CCDC34: variants seen among roughly 807,000 people sequenced by gnomAD.
CCDC34 encodes the protein coiled-coil domain containing 34.
In CCDC34, 40 loss-of-function variants were observed where a neutral mutation model predicts 44.1. The observed-to-expected ratio is 0.91, with a 90% CI of 0.70 to 1.18. CCDC34 has a LOEUF of 1.18. CCDC34 is among the 50% of genes most tolerant of loss of function. CCDC34 has a pLI of 0.00. For synonymous variants in CCDC34, 159 were observed against 158.2 expected (o/e 1.01, Z -0.04); for missense variants, 466 against 452.3 (o/e 1.03, Z -0.28).
intron 2 of CCDC34, among the ~76,000 whole-genome samples, chr11:27,354,224 T>C (rs963572240): frequency 3.3e-5 from 5 of 152,308 alleles, no homozygotes; most frequent in East Asian, 1.9e-4. Context: ...AAAGTAGCCA[T>C]AAGAAATGTC....
chr11:27,351,368 T>C (rs1009938222), intron 2 of CCDC34, among the ~76,000 whole-genome samples: 2 of 152,172 alleles, frequency 1.3e-5, no homozygotes, highest in African/African-American at 2.4e-5. Flanking sequence ...TAAATGAAGA[T>C]AAAACTTGAC....
intron 3 of CCDC34, among the ~76,000 whole-genome samples, chr11:27,346,842 G>A (rs576693262): frequency 6.6e-6 from 1 of 152,238 alleles, no homozygotes; most frequent in Non-Finnish European, 1.5e-5. Context: ...AGGTCATAAG[G>A]GTAGGACCCT....
intron 2 of CCDC34, 30 bp downstream of exon 2, chr11:27,357,373 T>C (rs772356601): frequency 1.3e-5 from 21 of 1,592,602 alleles, no homozygotes; most frequent in Admixed American, 1.7e-5. Context: ...AGCTCACAGA[T>C]TAAATAAAAA....
intron 1 of CCDC34, among the ~76,000 whole-genome samples, chr11:27,362,309 CCTCT>C (rs1015515628): frequency 1.3e-5 from 2 of 152,164 alleles, no homozygotes; most frequent in Admixed American, 6.5e-5. Context: ...ATGCTCAGAT[CCTCT>C]CTAACCACGT....
chr11:27,362,853 C>T lies in CCDC34; in HGVS notation c.342G>A (p.Glu114=). ...EAKVASLRGM[E]LQGCASTQVE... ...GGGTTTACCTGGCGCACCCCTGTAA[C>T]TCCATTCCTCTCAGGCTCGCCACTT... Residue 114 remains glutamate, a synonymous_variant, in exon 1 of 6, where the codon GAG becomes GAA. Transcript: ENST00000328697. 6.2e-7 allele frequency: 1 copy of T among 1,614,078 alleles called. No individual in the cohort carries two copies. The highest frequency in any genetic ancestry group is 8.5e-7 in the Non-Finnish European group (1 of 1,179,954).
At position 27,341,520 on chromosome 11, in the gene CCDC34, TATTA is replaced by T. The variant is rs760237558; in HGVS notation, c.633_636del (p.Asn212LysfsTer28). 16 of 1,356,250 alleles carry T rather than the reference TATTA, an allele frequency of 1.2e-5. No individual in the cohort carries two copies. The highest frequency in any genetic ancestry group is 7.9e-5 in the South Asian group (5 of 63,188). The allele number at this position is 1,356,250 out of a possible 1,614,324, so 84.0% of individuals were successfully genotyped here. On this transcript the variant is annotated frameshift_variant, in exon 4 of 6. Coordinates refer to ENST00000328697, the MANE Select transcript of CCDC34 (RefSeq NM_030771.2). LOFTEE classifies it high-confidence loss of function. Reference sequence around the variant, plus strand: ...TTTGCTGCTTTTTCCTCCATTTCTTTATTAATTTTTTGTTCTCTTTCTTTTCTTT... The same window carrying T: ...TTTGCTGCTTTTTCCTCCATTTCTTTATTTTTTGTTCTCTTTCTTTTCTTT...
chr11:27,341,499 CT>C lies in CCDC34; in HGVS notation c.657del (p.Ala220GlnfsTer21). The C allele has an allele frequency of 7.2e-7, 1 of 1,390,010 alleles. No individual in the cohort carries two copies. Among genetic ancestry groups the C allele is most frequent in the Non-Finnish European group, 9.7e-7 (1 of 1,031,850 alleles). The allele number at this position is 1,390,010 out of a possible 1,614,324, so 86.1% of individuals were successfully genotyped here. On this transcript the variant is annotated frameshift_variant, in exon 4 of 6. Transcript: ENST00000328697. LOFTEE classifies it high-confidence loss of function. Reference sequence around the variant, plus strand: ...AAGTATTCTTTCTCCAGTTCCTTTGCTGCTTTTTCCTCCATTTCTTTATTAA... The same window carrying C: ...AAGTATTCTTTCTCCAGTTCCTTTGCGCTTTTTCCTCCATTTCTTTATTAA... The part of the protein sequence containing the change: ...QKINKEMEEK[A>X]AKELEKEYLQ...
In CCDC34 at chr11:27,350,339, TTC is replaced by T. The variant is rs1181249149; in HGVS notation, c.597_598del (p.Asn200Ter). 6.2e-7 allele frequency: 1 copy of T among 1,613,940 alleles called. No individual in the cohort carries two copies. Among genetic ancestry groups the T allele is most frequent in the Non-Finnish European group, 8.5e-7 (1 of 1,179,994 alleles). On this transcript the variant is annotated frameshift_variant, in exon 3 of 6. Transcript: ENST00000328697. LOFTEE classifies it high-confidence loss of function. ...CCATTTTCCCCTCCTTACTTGCTCA[TTC>T]TTTTTCTGAACCCATTCCTTGTGCT...
chr11:27,357,662 C>A, intron 1 of CCDC34, 121 bp from the exon 2 acceptor site: 13 of 768,942 alleles, frequency 1.7e-5, no homozygotes, highest in Middle Eastern at 3.0e-4. Flanking sequence ...GTGATTTTTA[C>A]AAATATACAG....
At position 27,338,643 on chromosome 11, in the gene CCDC34, T is replaced by C. The variant is rs1399288541; in HGVS notation, c.*178A>G. On this transcript the variant is annotated 3_prime_UTR_variant, in exon 6 of 6. Coordinates refer to ENST00000328697, the MANE Select transcript of CCDC34 (RefSeq NM_030771.2). Reference sequence around the variant, plus strand: ...GCCAAGATCAACCTTAAAAAGTTTATAAAAACCAAAATCCAGAAAATATCT... The same window carrying C: ...GCCAAGATCAACCTTAAAAAGTTTACAAAAACCAAAATCCAGAAAATATCT... The C allele has an allele frequency of 1.1e-5, 6 of 567,596 alleles. No homozygotes were observed. In the Admixed American group the frequency reaches 1.1e-4, roughly 11 times the overall value. The allele number at this position is 567,596 out of a possible 1,614,324, so 35.2% of individuals were successfully genotyped here.
intron 1 of CCDC34, among the ~76,000 whole-genome samples, chr11:27,360,335 G>C (rs893470008): frequency 2.0e-5 from 3 of 152,164 alleles, no homozygotes; most frequent in Non-Finnish European, 4.4e-5. Flanking sequence ...TCTCAGTTCT[G>C]ACCAATACCC....
Position 27,357,406 on chromosome 11 carries a change from T to C in CCDC34, c.495A>G (p.Leu165=). ...EERDRLQLKA[L]EELNQQLEKR... ...AAAGAACACTGTCTAGTTTTACCTC[T>C]AGAGCTTTCAGTTGCAGCCGGTCAC... Residue 165 remains leucine (L), a synonymous_variant, in exon 2 of 6, where the codon CTA becomes CTG. Transcript: ENST00000328697. The C allele has an allele frequency of 1.2e-6, 2 of 1,613,758 alleles. No individual in the cohort carries two copies. Among genetic ancestry groups the C allele is most frequent in the Non-Finnish European group, 1.7e-6 (2 of 1,179,744 alleles).
chr11:27,343,401 CA>C lies in CCDC34; in HGVS notation c.607-1852del, dbSNP rs34004808. Among the ~76,000 whole-genome samples the C allele has an allele frequency of 4.0e-3, 441 of 110,658 alleles. 1 individual carries two copies. Among genetic ancestry groups the C allele is most frequent in the African/African-American group, 9.8e-3 (279 of 28,504 alleles). The allele number at this position is 110,658 out of a possible 152,430, so 72.6% of individuals were successfully genotyped here. ...TGGGAGACAGAGCAAGACTCCGTCT[CA>C]AAAAAAAAAAAAAAAATCAAAGCTC... is the stretch of plus-strand genomic sequence containing the variant. On this transcript the variant is annotated intron_variant, in intron 3 of 5. Coordinates refer to ENST00000328697, the MANE Select transcript of CCDC34 (RefSeq NM_030771.2).
intron 3 of CCDC34, among the ~76,000 whole-genome samples, chr11:27,345,427 C>T (rs1201606706): frequency 6.6e-6 from 1 of 152,024 alleles, no homozygotes; most frequent in African/African-American, 2.4e-5. Flanking sequence ...TAATGCTATC[C>T]CTCACCACTC....
At chr11:27,362,290 C>T (rs1418450576) in intron 1 of CCDC34, among the ~76,000 whole-genome samples, 1 of 152,196 alleles carries the variant, frequency 6.6e-6, no homozygotes, top group Admixed American at 6.5e-5. Flanking sequence ...GACATCCATT[C>T]CTCTGTGCAT....
intron 1 of CCDC34, among the ~76,000 whole-genome samples, chr11:27,359,703 C>T (rs1229481315): frequency 1.3e-5 from 2 of 152,162 alleles, no homozygotes; most frequent in Non-Finnish European, 2.9e-5. Context: ...GTTTTCTTGT[C>T]TATAAAATGG....
intron 3 of CCDC34, among the ~76,000 whole-genome samples, chr11:27,345,584 C>T (rs1442886713): frequency 1.3e-5 from 2 of 152,076 alleles, no homozygotes; most frequent in Admixed American, 6.6e-5. Flanking sequence ...TGGTTTCCAG[C>T]TTCATCCATG....
chr11:27,363,202 G>A lies in CCDC34; in HGVS notation c.-8C>T, dbSNP rs569119631. The A allele has an allele frequency of 3.4e-6, 5 of 1,461,332 alleles. No homozygotes were observed. The highest frequency in any genetic ancestry group is 3.7e-4 in the Middle Eastern group (2 of 5,460). The allele number at this position is 1,461,332 out of a possible 1,614,324, so 90.5% of individuals were successfully genotyped here. On this transcript the variant is annotated 5_prime_UTR_variant, in exon 1 of 6. Coordinates refer to ENST00000328697, the MANE Select transcript of CCDC34 (RefSeq NM_030771.2). ...GCGCCCCGCCGCCCACATCTGGCCC[G>A]CCAAGTTCAAACTGGCGGAGCCGCG...
intron 1 of CCDC34, among the ~76,000 whole-genome samples, chr11:27,361,148 C>T (rs1862657976): frequency 1.3e-5 from 2 of 152,228 alleles, no homozygotes; most frequent in Admixed American, 1.3e-4. Flanking sequence ...TTTTCAAACC[C>T]ACGTCCCAGC....
Sources: gnomAD v4.1 joint callset for allele counts (sites outside exome capture counted in the v4.1 genomes callset) on GRCh38, gnomAD v4.1.1 for gene constraint, MANE v1.5 for transcripts, NCBI Gene and HGNC (gene_info 2026-07-23, HGNC 2026-07-21) for gene names.